The following MAST1 variants were observed in gnomAD, a reference collection of about 807,000 sequenced individuals.
MAST1 encodes the protein microtubule associated serine/threonine kinase 1.
MAST1 carries 40 observed loss-of-function variants against 124.6 expected under a neutral mutation model. That is an observed-to-expected ratio of 0.32 (90% CI 0.25 to 0.42). The LOEUF (loss-of-function observed/expected upper bound fraction) is 0.42. Ranked by LOEUF, MAST1 falls within the 10% of genes least tolerant of loss-of-function variation. The pLI, the probability that MAST1 is intolerant of heterozygous loss-of-function variation, is 1.00. For synonymous variants in MAST1, 938 were observed against 939.4 expected, an observed-to-expected ratio of 1.00 and a Z score of 0.03; for missense variants, 1,558 against 2,181.9, an observed-to-expected ratio of 0.71 and a Z score of 5.70.
chr19:12,871,987 T>G (rs952659736), intron 24 of MAST1, among the ~76,000 whole-genome samples: 3 of 151,408 alleles, frequency 2.0e-5, no homozygotes, highest in Non-Finnish European at 4.4e-5. Flanking sequence ...GTGCCAAATT[T>G]CTAGGATCAG....
chr19:12,847,380 A>C lies in MAST1; in HGVS notation c.418A>C (p.Thr140Pro), dbSNP rs768555016. 3.1e-6 allele frequency: 5 copies of C among 1,613,898 alleles called. No homozygotes were observed. The highest frequency in any genetic ancestry group is 2.2e-5 in the South Asian group (2 of 91,074). The stretch of plus-strand genomic sequence containing the variant: ...CTTCCTCTCCAAACACTTCGGGAGC[A>C]CCGAGAGCATCACAGACGAGGATGG... ...LHFLSKHFGS[T>P]ESITDEDGGR... The change falls in exon 5 of 26, where the codon ACC becomes CCC. Residue 140 changes from threonine to proline, a missense_variant. Transcript: ENST00000251472. The surrounding 1 kb of genome is among the most constrained non-coding windows in gnomAD (Gnocchi z 5.5).
Position 12,847,882 on chromosome 19 carries a change from T to G in MAST1, c.599T>G (p.Phe200Cys), listed in dbSNP as rs1969915703. 1 of 1,612,872 alleles carries G rather than the reference T, an allele frequency of 6.2e-7. No homozygotes were observed. The highest frequency in any genetic ancestry group is 8.5e-7 in the Non-Finnish European group (1 of 1,179,624). The change falls in exon 7 of 26, where the codon TTT (phenylalanine) becomes TGT (cysteine). Residue 200 changes from phenylalanine (F) to cysteine (C), a missense_variant. Phe to Cys is a radical substitution (Grantham distance 205). Transcript: ENST00000251472. The surrounding 1 kb of genome is among the most constrained non-coding windows in gnomAD (Gnocchi z 5.5). Reference sequence around the variant, plus strand: ...CAGATGGAGGAGAAGCTGCGCGACTTTACCCGCGCCTACGAACCCGACAGC... The same window carrying G: ...CAGATGGAGGAGAAGCTGCGCGACTGTACCCGCGCCTACGAACCCGACAGC... ...TAQMEEKLRD[F>C]TRAYEPDSVL...
chr19:12,873,867 C>G lies in MAST1; in HGVS notation c.3710C>G (p.Ala1237Gly), dbSNP rs746761061. The G allele has an allele frequency of 4.4e-6, 7 of 1,583,800 alleles. No homozygotes were observed. Among genetic ancestry groups the G allele is most frequent in the Middle Eastern group, 1.7e-4 (1 of 6,044 alleles). The change falls in exon 26 of 26, where the codon GCC (alanine) becomes GGC (glycine). Residue 1237 changes from alanine to glycine, a missense_variant. Physicochemically the swap from Ala to Gly is moderately conservative, Grantham distance 60. Transcript: ENST00000251472. ...GSSHTTQSFP[A>G]KLHSSPPVVR... Reference sequence around the variant, plus strand: ...TCGCACACTACTCAGAGCTTCCCGGCCAAACTGCACTCATCGCCTCCCGTC... The same window carrying G: ...TCGCACACTACTCAGAGCTTCCCGGGCAAACTGCACTCATCGCCTCCCGTC...
intron 12 of MAST1, among the ~76,000 whole-genome samples, chr19:12,861,415 G>A (rs1311341763): frequency 6.6e-6 from 1 of 152,150 alleles, no homozygotes; most frequent in Non-Finnish European, 1.5e-5. Flanking sequence ...GGAGGTGATG[G>A]GGAGGCAGGC....
intron 10 of MAST1, among the ~76,000 whole-genome samples, chr19:12,857,206 C>T (rs1480088548): frequency 2.6e-5 from 4 of 152,050 alleles, no homozygotes; most frequent in Non-Finnish European, 1.5e-5. Context: ...GCCTCAGCCT[C>T]CTGAGTAGCT....
chr19:12,852,446 G>T, intron 10 of MAST1, 51 bp downstream of exon 10: 44 of 1,456,908 alleles, frequency 3.0e-5, no homozygotes, highest in Non-Finnish European at 3.8e-5. Flanking sequence ...GGAGGGCAGG[G>T]TGGGGCTCAT....
intron 10 of MAST1, among the ~76,000 whole-genome samples, chr19:12,857,153 G>A (rs1057265883): frequency 2.6e-5 from 4 of 151,702 alleles, no homozygotes; most frequent in Admixed American, 6.6e-5. Flanking sequence ...CCACGATCTC[G>A]GCTCACCACA....
In MAST1 at chr19:12,841,365, G is replaced by T. The variant is rs553065330; in HGVS notation, c.248+299G>T. Among the ~76,000 whole-genome samples, 1 of 152,384 alleles carries T rather than the reference G, an allele frequency of 6.6e-6. No individual in the cohort carries two copies. The highest frequency in any genetic ancestry group is 1.9e-4 in the East Asian group (1 of 5,184). ...CTCCGAGCCTTGCTCTCCTGGCCAG[G>T]TGTTTCCATAGCAACAGGACGGGGC... On this transcript the variant is annotated intron_variant, in intron 3 of 25. Coordinates refer to ENST00000251472, the MANE Select transcript of MAST1 (RefSeq NM_014975.3). The surrounding 1 kb of genome is among the most constrained non-coding windows in gnomAD (Gnocchi z 4.3).
Position 12,868,850 on chromosome 19 carries a change from GTAA to G in MAST1, c.2773+3_2773+5del. On this transcript the variant is annotated splice_donor_variant and splice_donor_region_variant and intron_variant, in intron 21 of 25. Coordinates refer to ENST00000251472, the MANE Select transcript of MAST1 (RefSeq NM_014975.3). LOFTEE classifies it high-confidence loss of function. ...GCCTTATCTGTCATGATTCCTGCAG[GTAA>G]TGCTGGGCCCCACCTGGCAGGGGAG... The G allele has an allele frequency of 6.4e-7, 1 of 1,571,392 alleles. No homozygotes were observed. Among genetic ancestry groups the G allele is most frequent in the Non-Finnish European group, 8.7e-7 (1 of 1,155,454 alleles).
rs1382637526 is a variant in MAST1 at position 12,847,474 on chromosome 19, C to T, written c.488+24C>T. On this transcript the variant is annotated intron_variant, in intron 5 of 25. Coordinates refer to ENST00000251472, the MANE Select transcript of MAST1 (RefSeq NM_014975.3). The surrounding 1 kb of genome is among the most constrained non-coding windows in gnomAD (Gnocchi z 5.5). ...AGGTGGGCAGGCATCCCTCCTCCTT[C>T]GTACCAAGCTAGTGGTCTTAGGACT... 3 of 1,613,002 alleles carry T rather than the reference C, an allele frequency of 1.9e-6. No homozygotes were observed. Among genetic ancestry groups the T allele is most frequent in the African/African-American group, 2.7e-5 (2 of 74,886 alleles).
chr19:12,852,419 C>T, intron 10 of MAST1, 24 bp downstream of exon 10: 1 of 1,597,280 alleles, frequency 6.3e-7, no homozygotes, highest in Non-Finnish European at 8.6e-7. Context: ...GCTAAGCGGT[C>T]AGTACCCTGG....
At chr19:12,863,674 G>C (rs965745349) in intron 12 of MAST1, among the ~76,000 whole-genome samples, 3 of 152,130 alleles carry the variant, frequency 2.0e-5, no homozygotes, top group Non-Finnish European at 4.4e-5. Context: ...AAAATTCCAA[G>C]GGCTAACTCA....
intron 12 of MAST1, among the ~76,000 whole-genome samples, chr19:12,860,571 A>G (rs1970068455): frequency 6.7e-6 from 1 of 148,258 alleles, no homozygotes; most frequent in African/African-American, 2.5e-5. Context: ...GAGCCTCCCG[A>G]GTAGCTGGGA....
chr19:12,861,680 C>CTCTTTCTTTCTTTCTTTCTTTCTT lies in MAST1; in HGVS notation c.1366+2955_1366+2978dup, dbSNP rs3064403. On this transcript the variant is annotated intron_variant, in intron 12 of 25. Transcript: ENST00000251472. Reference sequence around the variant, plus strand: ...GTTGTTTTTTTCTTTTTCTTTTTCTCTCTTTCTTTCTTTCTTTCTTTCTTT... The same window carrying CTCTTTCTTTCTTTCTTTCTTTCTT: ...GTTGTTTTTTTCTTTTTCTTTTTCTCTCTTTCTTTCTTTCTTTCTTTCTTTCTTTCTTTCTTTCTTTCTTTCTTT... Among the ~76,000 whole-genome samples, 1,096 of 143,562 alleles carry CTCTTTCTTTCTTTCTTTCTTTCTT rather than the reference C, an allele frequency of 7.6e-3. 51 individuals are homozygous for CTCTTTCTTTCTTTCTTTCTTTCTT. The highest frequency in any genetic ancestry group is 0.023 in the African/African-American group (856 of 36,984). The allele number at this position is 143,562 out of a possible 152,430, so 94.2% of individuals were successfully genotyped here. A position where few individuals can be genotyped will look rare whatever the true frequency, so the allele number is the denominator to read the frequency against.
rs149802603 is a variant in MAST1, at chr19:12,865,088, C to T, written c.1548C>T (p.Phe516=). The stretch of plus-strand genomic sequence containing the variant: ...TGGGTCACATCAAGCTCACAGATTT[C>T]GGCCTCTCCAAGATGGGGCTCATGA... ...TSMGHIKLTD[F]GLSKMGLMSL... is the part of the protein sequence containing the mutation. The change falls in exon 14 of 26, where the codon TTC becomes TTT. Residue 516 remains phenylalanine, a synonymous_variant. Transcript: ENST00000251472. This position sits in a 1 kb window ranked among gnomAD's most constrained non-coding sequence, Gnocchi z 7.1. 209 of 1,614,104 alleles carry T rather than the reference C, an allele frequency of 1.3e-4. No homozygotes were observed. The highest frequency in any genetic ancestry group is 3.7e-4 in the Admixed American group (22 of 60,020).
At chr19:12,863,651 C>T (rs1007550894) in intron 12 of MAST1, among the ~76,000 whole-genome samples, 4 of 152,114 alleles carry the variant, frequency 2.6e-5, no homozygotes, top group African/African-American at 9.7e-5. Flanking sequence ...GCAATTCTTA[C>T]AGGAAAAGAG....
chr19:12,871,463 C>T (rs1462785755), intron 24 of MAST1, among the ~76,000 whole-genome samples: 1 of 151,978 alleles, frequency 6.6e-6, no homozygotes, highest in African/African-American at 2.4e-5. Flanking sequence ...AAAAATTAGC[C>T]TGGCATGGTG....
intron 22 of MAST1, 102 bp from the exon 23 acceptor site, chr19:12,870,722 G>T (rs1343322571): frequency 1.6e-6 from 2 of 1,253,666 alleles, no homozygotes; most frequent in Non-Finnish European, 2.2e-6. Flanking sequence ...GTGTTATGAG[G>T]ATTCTAATGC....
At chr19:12,863,276 AG>A (rs1020069978) in intron 12 of MAST1, among the ~76,000 whole-genome samples, 9 of 152,114 alleles carry the variant, frequency 5.9e-5, no homozygotes, top group African/African-American at 2.2e-4. Context: ...GCTCTAGTCC[AG>A]GTTCATTGCA....
Sources: gnomAD v4.1 joint callset for allele counts (sites outside exome capture counted in the v4.1 genomes callset) on GRCh38, gnomAD v4.1.1 for gene constraint, Gnocchi (gnomAD v3.1) non-coding constraint, MANE v1.5 for transcripts, NCBI Gene and HGNC (gene_info 2026-07-23, HGNC 2026-07-21) for gene names.